CAB39L: variants seen among roughly 807,000 people sequenced by gnomAD.
CAB39L encodes the protein calcium-binding protein 39-like.
A neutral mutation model predicts 39.1 loss-of-function variants in CAB39L; 23 were observed. The observed-to-expected ratio is 0.59, with a 90% CI of 0.42 to 0.83. CAB39L has a LOEUF of 0.83. Ranked by LOEUF, CAB39L falls within the 40% of genes least tolerant of loss-of-function variation. The probability of loss-of-function intolerance (pLI) is 0.00; values close to 1 mark genes in which losing one functional copy is unlikely to be tolerated. For synonymous variants in CAB39L, 126 were observed against 137.2 expected, an observed-to-expected ratio of 0.92 and a Z score of 0.57; for missense variants, 366 against 391.9, an observed-to-expected ratio of 0.93 and a Z score of 0.56.
At chr13:49,425,440 C>T (rs754912729) in intron 3 of CAB39L, among the ~76,000 whole-genome samples, 3 of 151,994 alleles carry the variant, frequency 2.0e-5, no homozygotes, top group Non-Finnish European at 2.9e-5. Flanking sequence ...TCTATACACA[C>T]GTATATAGAG....
intron 10 of CAB39L, among the ~76,000 whole-genome samples, chr13:49,314,947 C>A (rs1374846671): frequency 6.6e-6 from 1 of 152,156 alleles, no homozygotes; most frequent in African/African-American, 2.4e-5. Context: ...TGCAAAATTG[C>A]TTTTGCCAGG....
intron 5 of CAB39L, among the ~76,000 whole-genome samples, chr13:49,371,521 A>G (rs1253490439): frequency 6.6e-6 from 1 of 152,224 alleles, no homozygotes; most frequent in Middle Eastern, 3.2e-3. Context: ...TTATTAGAGG[A>G]TAAACATTTA....
chr13:49,375,502 AG>A (rs1956031783), intron 5 of CAB39L, among the ~76,000 whole-genome samples: 1 of 152,182 alleles, frequency 6.6e-6, no homozygotes, highest in Admixed American at 6.5e-5. Context: ...AAGCAAGCCA[AG>A]CAAGAGGAAA....
At chr13:49,406,459 T>C (rs1004200291) in intron 3 of CAB39L, among the ~76,000 whole-genome samples, 2 of 150,620 alleles carry the variant, frequency 1.3e-5, no homozygotes, top group Middle Eastern at 3.4e-3. Flanking sequence ...GGATTACAGG[T>C]GTGAGCCACT....
At chr13:49,420,175 C>T (rs996037859) in intron 3 of CAB39L, among the ~76,000 whole-genome samples, 8 of 152,110 alleles carry the variant, frequency 5.3e-5, no homozygotes, top group Non-Finnish European at 7.4e-5. Context: ...AATATTTCTA[C>T]AGCACTGTCA....
chr13:49,325,221 T>G (rs1954463530), intron 10 of CAB39L, among the ~76,000 whole-genome samples: 1 of 152,202 alleles, frequency 6.6e-6, no homozygotes, highest in South Asian at 2.1e-4. Context: ...TTCCACATTT[T>G]CTCCTTGGCT....
At chr13:49,326,899 T>G (rs374094313) in intron 10 of CAB39L, among the ~76,000 whole-genome samples, 2 of 152,202 alleles carry the variant, frequency 1.3e-5, no homozygotes, top group South Asian at 4.1e-4. Context: ...TTATTCTCAT[T>G]TAAAGTTCTG....
At chr13:49,393,320 T>G (rs1956530005) in intron 3 of CAB39L, among the ~76,000 whole-genome samples, 1 of 152,080 alleles carries the variant, frequency 6.6e-6, no homozygotes, top group South Asian at 2.1e-4. Context: ...GTACAAAATC[T>G]ATACCAGATC....
intron 1 of CAB39L, among the ~76,000 whole-genome samples, chr13:49,441,134 T>C (rs1352413933): frequency 2.0e-5 from 3 of 151,102 alleles, no homozygotes; most frequent in African/African-American, 7.3e-5. Context: ...TTTCATCTGC[T>C]TTGTGGCCAC....
intron 3 of CAB39L, among the ~76,000 whole-genome samples, chr13:49,402,156 T>C (rs1375897217): frequency 1.3e-5 from 2 of 152,188 alleles, no homozygotes; most frequent in South Asian, 4.1e-4. Flanking sequence ...AAGGTTTTTT[T>C]TCCCCCTAAA....
At chr13:49,417,771 G>A (rs1283760750) in intron 3 of CAB39L, among the ~76,000 whole-genome samples, 2 of 152,062 alleles carry the variant, frequency 1.3e-5, no homozygotes, top group Admixed American at 6.6e-5. Flanking sequence ...AGTGCTTACA[G>A]GCAGAATTCT....
intron 3 of CAB39L, among the ~76,000 whole-genome samples, chr13:49,386,426 G>A (rs761490629): frequency 2.0e-5 from 3 of 151,938 alleles, no homozygotes; most frequent in Non-Finnish European, 4.4e-5. Flanking sequence ...CCACAAACAA[G>A]AAAAACACAA....
At chr13:49,339,125 C>CTT (rs1215081648) in intron 9 of CAB39L, among the ~76,000 whole-genome samples, 1,110 of 99,838 alleles carry the variant, frequency 0.011, 10 homozygotes, top group African/African-American at 0.018. Context: ...TTTTACATGT[C>CTT]TTTTTTTTTT....
chr13:49,434,085 C>T lies in CAB39L; in HGVS notation c.-108+1G>A, dbSNP rs1231313905. ...CCCATCAGAAATAAGAGAAAACTTA[C>T]GCTTCTCTCCTTTAGTGCATTGCTC... On this transcript the variant is annotated splice_donor_variant, in intron 2 of 10. Coordinates refer to ENST00000409308, the MANE Select transcript of CAB39L (RefSeq NM_001079670.3). LOFTEE classifies it low-confidence loss of function (5UTR_SPLICE). 7 of 444,906 alleles carry T rather than the reference C, an allele frequency of 1.6e-5. No individual in the cohort carries two copies. The highest frequency in any genetic ancestry group is 3.2e-5 in the South Asian group (2 of 62,216). 27.6% of individuals were successfully genotyped at this position (444,906 alleles called of 1,614,324 possible).
At chr13:49,346,100 G>GAGATATATATATATATAT (rs1555254610) in intron 7 of CAB39L, among the ~76,000 whole-genome samples, 15 of 30,914 alleles carry the variant, frequency 4.9e-4, no homozygotes, top group South Asian at 9.7e-4. Context: ...ATATATGCTA[G>GAGATATATATATATATAT]ATATATATAT....
At chr13:49,427,682 C>A (rs1179647635) in intron 3 of CAB39L, among the ~76,000 whole-genome samples, 10 of 152,130 alleles carry the variant, frequency 6.6e-5, no homozygotes, top group African/African-American at 2.4e-4. Context: ...GAGCAAGACC[C>A]TAGCTCAAAA....
chr13:49,408,250 T>G (rs1280565159), intron 3 of CAB39L, among the ~76,000 whole-genome samples: 1 of 152,198 alleles, frequency 6.6e-6, no homozygotes, highest in Non-Finnish European at 1.5e-5. Flanking sequence ...GGCATTCCCA[T>G]GCCTGTGTGA....
intron 5 of CAB39L, among the ~76,000 whole-genome samples, chr13:49,372,788 A>G (rs1374775037): frequency 6.6e-6 from 1 of 152,034 alleles, no homozygotes; most frequent in Non-Finnish European, 1.5e-5. Context: ...CTCCTGCCTC[A>G]GCCTCCCTCC....
At chr13:49,316,444 A>G (rs1212555014) in intron 10 of CAB39L, among the ~76,000 whole-genome samples, 1 of 152,226 alleles carries the variant, frequency 6.6e-6, no homozygotes, top group Non-Finnish European at 1.5e-5. Flanking sequence ...TGAAAACTGT[A>G]AGAAATGGGA....
Sources: allele counts gnomAD v4.1 joint callset (sites outside exome capture counted in the v4.1 genomes callset), GRCh38; gene constraint gnomAD v4.1.1; transcripts MANE v1.5; gene names NCBI Gene and HGNC (gene_info 2026-07-23, HGNC 2026-07-21).